SNX29: variants seen among roughly 807,000 people sequenced by gnomAD.
SNX29 encodes the protein sorting nexin 29.
SNX29 carries 78 observed loss-of-function variants against 102.1 expected under a neutral mutation model. That is an observed-to-expected ratio of 0.76 (90% CI 0.64 to 0.92). The LOEUF is 0.92. Among genes scored for constraint, SNX29 ranks in the 40% least tolerant of loss-of-function variants. The pLI, the probability that SNX29 is intolerant of heterozygous loss-of-function variation, is 0.00. For synonymous variants in SNX29, 580 were observed against 414.5 expected, an observed-to-expected ratio of 1.40 and a Z score of -4.85; for missense variants, 1,280 against 1,061.7, an observed-to-expected ratio of 1.21 and a Z score of -2.86.
At chr16:12,193,947 T>C in intron 13 of SNX29, among the ~76,000 whole-genome samples, 1 of 152,234 alleles carries the variant, frequency 6.6e-6, no homozygotes, top group East Asian at 1.9e-4. Flanking sequence ...GTGCTGCTTT[T>C]TCAAAAATGA....
At position 12,100,530 on chromosome 16, in the gene SNX29, G is replaced by A. The variant is rs554270839; in HGVS notation, c.1402+21615G>A. 1.4e-4 allele frequency among the ~76,000 whole-genome samples: 22 copies of A among 152,330 alleles called. No individual in the cohort carries two copies. The South Asian group carries it at 3.9e-3, about 27-fold the overall frequency. ...AAGAGGAAGGACGGTGCATGCTGGAGGGGCTGCTGTGTCCAGATCGGGCTG... is the reference window on the plus strand; with the variant it reads ...AAGAGGAAGGACGGTGCATGCTGGAAGGGCTGCTGTGTCCAGATCGGGCTG... On this transcript the variant is annotated intron_variant, in intron 11 of 20. Coordinates refer to ENST00000566228, the MANE Select transcript of SNX29 (RefSeq NM_032167.5).
At position 12,356,238 on chromosome 16, in the gene SNX29, G is replaced by T; in HGVS notation, c.1858G>T (p.Val620Leu). 7 of 1,612,730 alleles carry T rather than the reference G, an allele frequency of 4.3e-6. No homozygotes were observed. Among genetic ancestry groups the T allele is most frequent in the Non-Finnish European group, 5.1e-6 (6 of 1,179,512 alleles). Reference protein sequence around the residue: ...HRALVAKEALVSQMRQELIDL... With the variant: ...HRALVAKEALLSQMRQELIDL... Reference sequence around the variant, plus strand: ...GGCCCTGGTAGCCAAGGAAGCCCTCGTGTCCCAGATGAGGCAGGAGCTCAT... The same window carrying T: ...GGCCCTGGTAGCCAAGGAAGCCCTCTTGTCCCAGATGAGGCAGGAGCTCAT... Residue 620 changes from valine to leucine, a missense_variant, in exon 16 of 21, where the codon GTG (valine) becomes TTG (leucine). Val to Leu is a conservative substitution (Grantham distance 32). Transcript: ENST00000566228.
chr16:12,315,783 C>CCA (rs1481096399), intron 15 of SNX29, among the ~76,000 whole-genome samples: 4 of 152,184 alleles, frequency 2.6e-5, no homozygotes, highest in African/African-American at 9.7e-5. Flanking sequence ...TCCAATAAAA[C>CCA]TTATTTACAA....
intron 15 of SNX29, among the ~76,000 whole-genome samples, chr16:12,287,463 A>G (rs1342482638): frequency 6.6e-6 from 1 of 152,204 alleles, no homozygotes; most frequent in Non-Finnish European, 1.5e-5. Flanking sequence ...TTCAATAGTT[A>G]TCAACTCTTG....
intron 15 of SNX29, among the ~76,000 whole-genome samples, chr16:12,342,656 C>T (rs1172201813): frequency 2.6e-5 from 4 of 152,146 alleles, no homozygotes; most frequent in East Asian, 1.9e-4. Flanking sequence ...CTCATAACAA[C>T]GCTATCATGT....
At chr16:12,364,171 ATGT>A (rs2082386460) in intron 16 of SNX29, among the ~76,000 whole-genome samples, 1 of 140,436 alleles carries the variant, frequency 7.1e-6, no homozygotes. Context: ...TTGTTATGTT[ATGT>A]TATGTTATGT....
chr16:12,492,231 G>A (rs1016167408), intron 19 of SNX29, among the ~76,000 whole-genome samples: 31 of 152,330 alleles, frequency 2.0e-4, no homozygotes, highest in African/African-American at 7.5e-4. Flanking sequence ...TCTAAATGGT[G>A]TGAGATGGTA....
intron 2 of SNX29, 97 bp downstream of exon 2, chr16:11,999,455 C>A: frequency 1.8e-6 from 2 of 1,139,280 alleles, no homozygotes; most frequent in Non-Finnish European, 1.3e-6. Flanking sequence ...AGACTAACTC[C>A]CACTTTATAC....
intron 20 of SNX29, among the ~76,000 whole-genome samples, chr16:12,558,666 C>G (rs911841476): frequency 4.6e-5 from 7 of 152,226 alleles, no homozygotes; most frequent in African/African-American, 1.7e-4. Flanking sequence ...CCCAATCCTG[C>G]TGGTCCTTGT....
intron 14 of SNX29, among the ~76,000 whole-genome samples, chr16:12,270,073 C>G (rs2079046532): frequency 6.6e-6 from 1 of 152,078 alleles, no homozygotes; most frequent in Non-Finnish European, 1.5e-5. Context: ...GTTGGCCAGG[C>G]TGGTCTCAAA....
intron 13 of SNX29, among the ~76,000 whole-genome samples, chr16:12,174,039 C>G (rs1174969581): frequency 6.6e-6 from 1 of 152,206 alleles, no homozygotes; most frequent in African/African-American, 2.4e-5. Flanking sequence ...ACCTTGGCCT[C>G]CCAAAGTGTT....
chr16:12,539,753 T>C (rs575834254), intron 20 of SNX29, among the ~76,000 whole-genome samples: 21 of 152,340 alleles, frequency 1.4e-4, no homozygotes, highest in African/African-American at 5.1e-4. Context: ...TATTTCATCA[T>C]GGTCTTAATT....
chr16:12,334,409 C>T (rs899791517), intron 15 of SNX29, among the ~76,000 whole-genome samples: 18 of 152,228 alleles, frequency 1.2e-4, no homozygotes, highest in African/African-American at 3.6e-4. Context: ...AAATCATCCC[C>T]GGGTGCATTC....
intron 3 of SNX29, among the ~76,000 whole-genome samples, chr16:12,006,079 C>T (rs927777266): frequency 6.6e-6 from 1 of 152,038 alleles, no homozygotes; most frequent in African/African-American, 2.4e-5. Flanking sequence ...TGGCTCATGT[C>T]TGTAATCTCA....
At chr16:12,535,455 C>T (rs775680812) in intron 20 of SNX29, among the ~76,000 whole-genome samples, 10 of 152,168 alleles carry the variant, frequency 6.6e-5, no homozygotes, top group African/African-American at 9.7e-5. Flanking sequence ...TTAACACATC[C>T]TTTCTTTGAG....
At chr16:12,462,945 C>G (rs140674538) in intron 18 of SNX29, among the ~76,000 whole-genome samples, 1 of 152,202 alleles carries the variant, frequency 6.6e-6, no homozygotes, top group African/African-American at 2.4e-5. Flanking sequence ...CTGCTATGAT[C>G]GCTGGATCCC....
chr16:12,237,927 A>G (rs1332985548), intron 14 of SNX29, among the ~76,000 whole-genome samples: 2 of 152,058 alleles, frequency 1.3e-5, no homozygotes, highest in Non-Finnish European at 2.9e-5. Flanking sequence ...ATAAATAAAT[A>G]AAAGATGGGG....
chr16:12,566,340 A>AC (rs1353529371), intron 20 of SNX29, among the ~76,000 whole-genome samples: 2 of 151,756 alleles, frequency 1.3e-5, no homozygotes, highest in East Asian at 1.9e-4. Context: ...CATAACAGTC[A>AC]CCCCACCGAC....
intron 14 of SNX29, among the ~76,000 whole-genome samples, chr16:12,233,619 A>T (rs536257016): frequency 6.6e-6 from 1 of 152,364 alleles, no homozygotes; most frequent in Admixed American, 6.5e-5. Flanking sequence ...AAACAACTTT[A>T]TTGAGATATA....
Sources: gnomAD v4.1 joint callset for allele counts (sites outside exome capture counted in the v4.1 genomes callset) on GRCh38, gnomAD v4.1.1 for gene constraint, MANE v1.5 for transcripts, NCBI Gene and HGNC (gene_info 2026-07-23, HGNC 2026-07-21) for gene names.